The following ZNF141 variants were observed in gnomAD, a reference collection of about 807,000 sequenced individuals.
The protein encoded by ZNF141 is zinc finger protein 141.
In ZNF141, 7 loss-of-function variants were observed where a neutral mutation model predicts 11.3. The ratio of observed to expected loss-of-function variants is 0.62; its 90% confidence interval spans 0.35 to 1.16. The LOEUF is 1.16. Ranked by LOEUF, ZNF141 falls within the 50% of genes most tolerant of loss-of-function variation. The probability of loss-of-function intolerance (pLI) is 0.02; values close to 1 mark genes in which losing one functional copy is unlikely to be tolerated. For synonymous variants in ZNF141, 183 were observed against 190.7 expected, an observed-to-expected ratio of 0.96 and a Z score of 0.33; for missense variants, 535 against 554.0, an observed-to-expected ratio of 0.97 and a Z score of 0.34.
In ZNF141 at chr4:338,108, A is replaced by C. The variant is rs75145605; in HGVS notation, c.3+122A>C. 6,473 of 1,378,256 alleles carry C rather than the reference A, an allele frequency of 4.7e-3. 242 individuals carry two copies. The African/African-American group carries it at 0.079, about 17-fold the overall frequency. 85.4% of individuals were successfully genotyped at this position (1,378,256 alleles called of 1,614,324 possible). A position where few individuals can be genotyped will look rare whatever the true frequency, so the allele number is the denominator to read the frequency against. On this transcript the variant is annotated intron_variant, in intron 1 of 3. Coordinates refer to ENST00000240499, the MANE Select transcript of ZNF141 (RefSeq NM_003441.4). ...TGCCGCCGCTCAGCCCTGGGGCCTC[A>C]GTACCCTCCGGTGAGGGACCTGGGC...
chr4:350,302 G>A (rs781874071), intron 3 of ZNF141: 10 of 484,754 alleles, frequency 2.1e-5, no homozygotes, highest in South Asian at 1.5e-4. Context: ...CCTAACCATA[G>A]GCAAGCACCT....
rs1712233245 is a variant in ZNF141 at position 374,078 on chromosome 4, C to T, written c.*216C>T. On this transcript the variant is annotated 3_prime_UTR_variant, in exon 4 of 4. Transcript: ENST00000240499. ...AATATGGCAAAGCCTGTGAATGGTCCACAAACCTGAATGAGCAGAAGAAAA... is the reference window on the plus strand; with the variant it reads ...AATATGGCAAAGCCTGTGAATGGTCTACAAACCTGAATGAGCAGAAGAAAA... The T allele has an allele frequency of 1.2e-5, 7 of 579,672 alleles. No homozygotes were observed. The highest frequency in any genetic ancestry group is 5.6e-5 in the African/African-American group (3 of 53,542). 35.9% of individuals were successfully genotyped at this position (579,672 alleles called of 1,614,324 possible).
Position 375,654 on chromosome 4 carries a change from A to G in ZNF141, c.*1792A>G, listed in dbSNP as rs1712328219. On this transcript the variant is annotated 3_prime_UTR_variant, in exon 4 of 4. Coordinates refer to ENST00000240499, the MANE Select transcript of ZNF141 (RefSeq NM_003441.4). ...TAAGTTGAAAAGAAGATTTTTGAAG[A>G]GATACTACATTTAAAGTATATTTTT... Among the ~76,000 whole-genome samples, 3 of 152,072 alleles carry G rather than the reference A, an allele frequency of 2.0e-5. No individual in the cohort carries two copies. Among genetic ancestry groups the G allele is most frequent in the Admixed American group, 6.5e-5 (1 of 15,276 alleles).
chr4:344,423 AC>A lies in ZNF141; in HGVS notation c.224del (p.Pro75GlnfsTer17). On this transcript the variant is annotated frameshift_variant, in exon 3 of 4. Coordinates refer to ENST00000240499, the MANE Select transcript of ZNF141 (RefSeq NM_003441.4). LOFTEE classifies it low-confidence loss of function (END_TRUNC). ...TGAAGATACATAAGATCGTAGCCAGACCCCCAGGTAGGTGAGAGTGAATGGA... is the reference window on the plus strand; with the variant it reads ...TGAAGATACATAAGATCGTAGCCAGACCCCAGGTAGGTGAGAGTGAATGGA... Reference protein sequence around the residue: ...NVKIHKIVARPPAMCSHFTQD... With the variant: ...NVKIHKIVARXPAMCSHFTQD... The A allele has an allele frequency of 6.2e-7, 1 of 1,605,186 alleles. No individual in the cohort carries two copies. The highest frequency in any genetic ancestry group is 1.1e-5 in the South Asian group (1 of 90,982).
chr4:354,918 A>G (rs1394734866), intron 3 of ZNF141, among the ~76,000 whole-genome samples: 1 of 152,042 alleles, frequency 6.6e-6, no homozygotes, highest in African/African-American at 2.4e-5. Context: ...AGTCTGTTTA[A>G]AAATGAAAAG....
Position 374,219 on chromosome 4 carries a change from C to T in ZNF141, c.*357C>T. ...CTGGAGGGAAGCCCTACACATGTGG[C>T]AGAATGTGGCAAAGCATTTAATTGG... is the stretch of plus-strand genomic sequence containing the variant. On this transcript the variant is annotated 3_prime_UTR_variant, in exon 4 of 4. Coordinates refer to ENST00000240499, the MANE Select transcript of ZNF141 (RefSeq NM_003441.4). 1 of 281,934 alleles carries T rather than the reference C, an allele frequency of 3.5e-6. No homozygotes were observed. The highest frequency in any genetic ancestry group is 8.6e-5 in the East Asian group (1 of 11,668). 17.5% of individuals were successfully genotyped at this position (281,934 alleles called of 1,614,324 possible).
rs146320907 is a variant in ZNF141 at position 380,023 on chromosome 4, G to T, written c.*6161G>T. Among the ~76,000 whole-genome samples the T allele has an allele frequency of 5.9e-3, 901 of 152,278 alleles. 15 individuals carry two copies. In the South Asian group the frequency reaches 0.063, roughly 11 times the overall value. On this transcript the variant is annotated 3_prime_UTR_variant, in exon 4 of 4. Transcript: ENST00000240499. ...ATTTATTCCTCCTAGGCAACTATGT[G>T]TTGTTTTACAGACATGTCTCCAGAT...
intron 1 of ZNF141, 183 bp downstream of exon 1, chr4:338,169 C>G: frequency 1.5e-6 from 1 of 665,122 alleles, no homozygotes; most frequent in Non-Finnish European, 2.4e-6. Context: ...CTGGCCCAGC[C>G]TGCAGCCCTC....
intron 3 of ZNF141, among the ~76,000 whole-genome samples, chr4:356,248 A>G (rs1721836299): frequency 6.6e-6 from 1 of 150,782 alleles, no homozygotes; most frequent in African/African-American, 2.4e-5. Context: ...AAAAAAAAAG[A>G]ATAATACTAT....
chr4:371,004 T>C, intron 3 of ZNF141, among the ~76,000 whole-genome samples: 1 of 151,978 alleles, frequency 6.6e-6, no homozygotes, highest in East Asian at 1.9e-4. Context: ...AGTGCTGGGA[T>C]TACAGGCATG....
intron 3 of ZNF141, among the ~76,000 whole-genome samples, chr4:352,874 G>GATTT (rs1267492381): frequency 1.3e-5 from 2 of 152,180 alleles, no homozygotes; most frequent in African/African-American, 4.8e-5. Context: ...GGAAGCCCAT[G>GATTT]ATTTATAGTC....
Position 373,112 on chromosome 4 carries a change from A to G in ZNF141, c.675A>G (p.Lys225=). The change falls in exon 4 of 4, where the codon AAA becomes AAG. Residue 225 remains lysine, a synonymous_variant. Coordinates refer to ENST00000240499, the MANE Select transcript of ZNF141 (RefSeq NM_003441.4). The part of the protein sequence containing the change: ...NEHKRIHTGE[K]PFTCEECGSI... Reference sequence around the variant, plus strand: ...ATAAGAGAATTCATACTGGAGAGAAACCTTTTACTTGTGAAGAATGTGGCA... The same window carrying G: ...ATAAGAGAATTCATACTGGAGAGAAGCCTTTTACTTGTGAAGAATGTGGCA... 3.1e-6 allele frequency: 5 copies of G among 1,613,900 alleles called. No homozygotes were observed. Among genetic ancestry groups the G allele is most frequent in the Non-Finnish European group, 3.4e-6 (4 of 1,179,970 alleles).
rs11737579 is a variant in ZNF141, at chr4:382,161, A to T, written c.*8299A>T. ...CGGGGTTTCACCATGTTAGCCAACAAGGTCTTGATTTCCTGACCTCGTGAT... is the reference window on the plus strand; with the variant it reads ...CGGGGTTTCACCATGTTAGCCAACATGGTCTTGATTTCCTGACCTCGTGAT... On this transcript the variant is annotated 3_prime_UTR_variant, in exon 4 of 4. Coordinates refer to ENST00000240499, the MANE Select transcript of ZNF141 (RefSeq NM_003441.4). Among the ~76,000 whole-genome samples the T allele has an allele frequency of 0.43, 65,530 of 151,436 alleles. 14,791 individuals are homozygous for T. Among genetic ancestry groups the T allele is most frequent in the African/African-American group, 0.57 (23,351 of 41,184 alleles).
rs1285032500 is a variant in ZNF141 at position 374,804 on chromosome 4, C to G, written c.*942C>G. 1.3e-5 allele frequency: 2 copies of G among 154,098 alleles called. No homozygotes were observed. The highest frequency in any genetic ancestry group is 4.8e-5 in the African/African-American group (2 of 41,482). The allele number at this position is 154,098 out of a possible 1,614,324, so 9.5% of individuals were successfully genotyped here. A position where few individuals can be genotyped will look rare whatever the true frequency, so the allele number is the denominator to read the frequency against. ...GTGAAGAATGTGGCAGTCTTTAAATCTTCCTCAGTCTTTTCTAATCATAAG... is the reference window on the plus strand; with the variant it reads ...GTGAAGAATGTGGCAGTCTTTAAATGTTCCTCAGTCTTTTCTAATCATAAG... On this transcript the variant is annotated 3_prime_UTR_variant, in exon 4 of 4. Transcript: ENST00000240499.
chr4:364,479 A>G (rs1169221665), intron 3 of ZNF141, among the ~76,000 whole-genome samples: 5 of 152,170 alleles, frequency 3.3e-5, no homozygotes, highest in African/African-American at 1.2e-4. Context: ...TTATTTGCAT[A>G]GAGGTATTTA....
chr4:350,080 G>A (rs1048082942), intron 3 of ZNF141: 1 of 515,400 alleles, frequency 1.9e-6, no homozygotes, highest in African/African-American at 1.9e-5. Flanking sequence ...CTCCCTGCAG[G>A]TCTCTTGATG....
chr4:344,472 C>T (rs1553849172), intron 3 of ZNF141, 42 bp downstream of exon 3: 1 of 1,552,636 alleles, frequency 6.4e-7, no homozygotes, highest in Admixed American at 1.8e-5. Context: ...GGCAAGGGGA[C>T]CAAAGGTCAA....
At chr4:369,760 A>ATATATT (rs1711951821) in intron 3 of ZNF141, among the ~76,000 whole-genome samples, 1 of 34,092 alleles carries the variant, frequency 2.9e-5, no homozygotes, top group Non-Finnish European at 5.0e-5. Flanking sequence ...ATATATATAT[A>ATATATT]TATATTTTTT....
At position 374,817 on chromosome 4, in the gene ZNF141, T is replaced by G. The variant is rs1712284717; in HGVS notation, c.*955T>G. ...CAGTCTTTAAATCTTCCTCAGTCTT[T>G]TCTAATCATAAGATAATTCACACTG... On this transcript the variant is annotated 3_prime_UTR_variant, in exon 4 of 4. Transcript: ENST00000240499. 1 of 153,898 alleles carries G rather than the reference T, an allele frequency of 6.5e-6. No homozygotes were observed. Among genetic ancestry groups the G allele is most frequent in the Non-Finnish European group, 1.5e-5 (1 of 68,196 alleles). 9.5% of individuals were successfully genotyped at this position (153,898 alleles called of 1,614,324 possible).
Sources: allele counts gnomAD v4.1 joint callset (sites outside exome capture counted in the v4.1 genomes callset), GRCh38; gene constraint gnomAD v4.1.1; transcripts MANE v1.5; gene names NCBI Gene and HGNC (gene_info 2026-07-23, HGNC 2026-07-21).